The following CDK17 variants were observed in gnomAD, a reference collection of about 807,000 sequenced individuals.
CDK17 encodes cyclin dependent kinase 17.
In CDK17, 24 loss-of-function variants were observed where a neutral mutation model predicts 77.6. That is an observed-to-expected ratio of 0.31 (90% CI 0.22 to 0.44). The LOEUF (loss-of-function observed/expected upper bound fraction) is 0.44. CDK17 is among the 20% of genes least tolerant of loss of function. The pLI is 1.00. For synonymous variants in CDK17, 203 were observed against 210.4 expected (o/e 0.96, Z 0.30); for missense variants, 429 against 622.5 (o/e 0.69, Z 3.31).
chr12:96,367,119 C>A (rs1045179255), intron 1 of CDK17, among the ~76,000 whole-genome samples: 2 of 151,296 alleles, frequency 1.3e-5, no homozygotes, highest in African/African-American at 2.4e-5. Flanking sequence ...CCGAGGCGGG[C>A]GGATCATGAG....
intron 5 of CDK17, 78 bp from the exon 6 acceptor site, chr12:96,300,438 C>T (rs1952482833): frequency 1.1e-6 from 1 of 870,098 alleles, no homozygotes; most frequent in Non-Finnish European, 1.8e-6. Flanking sequence ...ACTCTGTTGC[C>T]CAGGCTGGAG....
Position 96,278,706 on chromosome 12 carries a change from T to A in CDK17, c.*1536A>T, listed in dbSNP as rs953043485. The A allele has an allele frequency of 6.6e-6, 1 of 152,572 alleles. No individual in the cohort carries two copies. Among genetic ancestry groups the A allele is most frequent in the Non-Finnish European group, 1.5e-5 (1 of 67,974 alleles). 9.5% of individuals were successfully genotyped at this position (152,572 alleles called of 1,614,324 possible). On this transcript the variant is annotated 3_prime_UTR_variant, in exon 17 of 17. Coordinates refer to ENST00000261211, the MANE Select transcript of CDK17 (RefSeq NM_002595.5). ...GCTACAAGGTTTAACATAAAACCAA[T>A]TTACAAATGTGAAAAGCAGTAGTGG...
intron 5 of CDK17, among the ~76,000 whole-genome samples, chr12:96,305,002 A>G (rs1448220302): frequency 1.3e-5 from 2 of 152,230 alleles, no homozygotes; most frequent in Non-Finnish European, 1.5e-5. Flanking sequence ...CAATAAGACA[A>G]ATTTTTATAT....
intron 1 of CDK17, among the ~76,000 whole-genome samples, chr12:96,398,137 G>GTT (rs11432005): frequency 1.3e-4 from 19 of 151,004 alleles, no homozygotes; most frequent in African/African-American, 2.2e-4. Context: ...AAAGACTCCC[G>GTT]TTTTTTTTTA....
chr12:96,282,516 T>C lies in CDK17; in HGVS notation c.1449A>G (p.Leu483=). 3 of 1,599,220 alleles carry C rather than the reference T, an allele frequency of 1.9e-6. No individual in the cohort carries two copies. Among genetic ancestry groups the C allele is most frequent in the Non-Finnish European group, 2.6e-6 (3 of 1,166,450 alleles). Residue 483 remains leucine (L), a synonymous_variant, in exon 15 of 17, where the codon TTA becomes TTG. Coordinates refer to ENST00000261211, the MANE Select transcript of CDK17 (RefSeq NM_002595.5). ...CTTTAGGATTTCTCTTACTTTCTGG[T>C]AAAGCATGTATTCTTGGTCCCAGAC... ...FRSLGPRIHA[L]PESVSIFSLK...
intron 5 of CDK17, among the ~76,000 whole-genome samples, chr12:96,305,224 G>A (rs1339943814): frequency 6.6e-6 from 1 of 152,136 alleles, no homozygotes; most frequent in Non-Finnish European, 1.5e-5. Context: ...CCATCCAATA[G>A]CCAATATTTT....
chr12:96,345,437 C>T (rs1766671262), intron 1 of CDK17, among the ~76,000 whole-genome samples: 1 of 152,184 alleles, frequency 6.6e-6, no homozygotes, highest in Non-Finnish European at 1.5e-5. Context: ...AATTTACATT[C>T]CCACCAACAG....
At chr12:96,333,045 T>C (rs1952993602) in intron 2 of CDK17, among the ~76,000 whole-genome samples, 1 of 152,090 alleles carries the variant, frequency 6.6e-6, no homozygotes, top group Admixed American at 6.6e-5. Flanking sequence ...CACTAAGATA[T>C]ATACTGTGTT....
At chr12:96,399,678 G>A (rs1954227240) in intron 1 of CDK17, among the ~76,000 whole-genome samples, 1 of 152,162 alleles carries the variant, frequency 6.6e-6, no homozygotes, top group South Asian at 2.1e-4. Flanking sequence ...AGACCAAAGC[G>A]GCAGCGAGCA....
intron 2 of CDK17, among the ~76,000 whole-genome samples, chr12:96,332,522 A>T (rs1952987595): frequency 6.6e-6 from 1 of 152,236 alleles, no homozygotes; most frequent in Non-Finnish European, 1.5e-5. Context: ...AATATGTTCC[A>T]CAAGAAAAGA....
chr12:96,280,855 T>G lies in CDK17; in HGVS notation c.1487A>C (p.Gln496Pro). The change falls in exon 16 of 17, where the codon CAG becomes CCG. Residue 496 changes from glutamine (Q) to proline (P), a missense_variant. Coordinates refer to ENST00000261211, the MANE Select transcript of CDK17 (RefSeq NM_002595.5). Reference protein sequence around the residue: ...SVSIFSLKEIQLQKDPGFRNS... With the variant: ...SVSIFSLKEIPLQKDPGFRNS... The stretch of plus-strand genomic sequence containing the variant: ...TCGAAAACCCGGGTCCTTTTGCAAC[T>G]GAATCTCTTTCAAACTGAATATTGA... 1 of 1,613,914 alleles carries G rather than the reference T, an allele frequency of 6.2e-7. No homozygotes were observed. Among genetic ancestry groups the G allele is most frequent in the Non-Finnish European group, 8.5e-7 (1 of 1,179,900 alleles).
chr12:96,282,130 A>G (rs1335737426), intron 15 of CDK17: 1 of 161,452 alleles, frequency 6.2e-6, no homozygotes, highest in African/African-American at 2.4e-5. Context: ...TCACAAGAAA[A>G]CAATTTATGT....
rs774668171 is a variant in CDK17, at chr12:96,334,772, A to G, written c.65T>C (p.Leu22Ser). 6.2e-6 allele frequency: 10 copies of G among 1,612,464 alleles called. No individual in the cohort carries two copies. The South Asian group carries it at 8.8e-5, about 14-fold the overall frequency. The part of the protein sequence containing the change: ...LRGSQTIDES[L>S]SELAEQMTIE... ...AGTCATTTGTTCAGCCAATTCAGAC[A>G]ATGATTCATCAATAGTCTGACTTCC... Residue 22 changes from leucine (L) to serine (S), a missense_variant, in exon 2 of 17, where the codon TTG (leucine) becomes TCG (serine). Transcript: ENST00000261211.
intron 3 of CDK17, among the ~76,000 whole-genome samples, chr12:96,316,581 G>C (rs1479232487): frequency 1.4e-5 from 2 of 145,352 alleles, no homozygotes; most frequent in Admixed American, 1.4e-4. Flanking sequence ...AGAGAGCAGT[G>C]GTTCTCCCAG....
At position 96,280,020 on chromosome 12, in the gene CDK17, A is replaced by C; in HGVS notation, c.*222T>G. On this transcript the variant is annotated 3_prime_UTR_variant, in exon 17 of 17. Transcript: ENST00000261211. Reference sequence around the variant, plus strand: ...CAATAGCTGTAACCTACTGGCTCTAATGGCAGAGAAGACCTTAAAACCGAC... The same window carrying C: ...CAATAGCTGTAACCTACTGGCTCTACTGGCAGAGAAGACCTTAAAACCGAC... The C allele has an allele frequency of 4.4e-6, 2 of 449,588 alleles. No homozygotes were observed. Among genetic ancestry groups the C allele is most frequent in the Non-Finnish European group, 7.8e-6 (2 of 256,094 alleles). The allele number at this position is 449,588 out of a possible 1,614,324, so 27.8% of individuals were successfully genotyped here. A position where few individuals can be genotyped will look rare whatever the true frequency, so the allele number is the denominator to read the frequency against.
At chr12:96,398,254 T>C (rs1467411097) in intron 1 of CDK17, among the ~76,000 whole-genome samples, 1 of 152,202 alleles carries the variant, frequency 6.6e-6, no homozygotes, top group Non-Finnish European at 1.5e-5. Flanking sequence ...AAAAAGAATT[T>C]AAGGAATATC....
chr12:96,302,360 T>G (rs1361491621), intron 5 of CDK17, among the ~76,000 whole-genome samples: 1 of 152,108 alleles, frequency 6.6e-6, no homozygotes, highest in Admixed American at 6.5e-5. Flanking sequence ...TTAAATACTT[T>G]ACTCCATAAA....
At chr12:96,327,546 AT>A (rs907377480) in intron 2 of CDK17, among the ~76,000 whole-genome samples, 19 of 150,058 alleles carry the variant, frequency 1.3e-4, no homozygotes, top group African/African-American at 3.2e-4. Context: ...CTATTCAAAT[AT>A]TTTTTTTTTC....
chr12:96,354,083 G>C (rs921439826), intron 1 of CDK17, among the ~76,000 whole-genome samples: 1 of 152,186 alleles, frequency 6.6e-6, no homozygotes, highest in Non-Finnish European at 1.5e-5. Flanking sequence ...AGAATGGATA[G>C]AGACATCAAT....
Sources: gnomAD v4.1 joint callset for allele counts (sites outside exome capture counted in the v4.1 genomes callset) on GRCh38, gnomAD v4.1.1 for gene constraint, MANE v1.5 for transcripts, NCBI Gene and HGNC (gene_info 2026-07-23, HGNC 2026-07-21) for gene names.